PHACTR2: variants seen among roughly 807,000 people sequenced by gnomAD.
PHACTR2 encodes the protein phosphatase and actin regulator 2.
Under a neutral mutation model 76.0 loss-of-function variants are expected in PHACTR2, and 30 were observed. The observed-to-expected ratio is 0.39, with a 90% CI of 0.30 to 0.54. PHACTR2 has a LOEUF of 0.54. Among genes scored for constraint, PHACTR2 ranks in the 20% least tolerant of loss-of-function variants. The probability of loss-of-function intolerance (pLI) is 0.61; values close to 1 mark genes in which losing one functional copy is unlikely to be tolerated. For missense variants in PHACTR2, 696 were observed against 781.1 expected (o/e 0.89, Z 1.30); for synonymous variants, 292 against 292.5 (o/e 1.00, Z 0.02).
intron 2 of PHACTR2, among the ~76,000 whole-genome samples, chr6:143,744,774 G>A (rs1779018534): frequency 6.6e-6 from 1 of 152,242 alleles, no homozygotes; most frequent in Non-Finnish European, 1.5e-5. Flanking sequence ...GCCATGGGAA[G>A]TTTTTGGAAG....
In PHACTR2 at chr6:143,709,888, T is replaced by A. The variant is rs1778134498; in HGVS notation, c.47-2128T>A. Among the ~76,000 whole-genome samples the A allele has an allele frequency of 6.6e-6, 1 of 152,098 alleles. No individual in the cohort carries two copies. The highest frequency in any genetic ancestry group is 1.5e-5 in the Non-Finnish European group (1 of 68,006). ...ACTGACACTGTGGAAGATGCTTCATTATCAGCCACCAGGCATAAAGGTGCT... is the reference window on the plus strand; with the variant it reads ...ACTGACACTGTGGAAGATGCTTCATAATCAGCCACCAGGCATAAAGGTGCT... On this transcript the variant is annotated intron_variant, in intron 1 of 12. Transcript: ENST00000440869. This position sits in a 1 kb window ranked among gnomAD's most constrained non-coding sequence, Gnocchi z 4.4.
intron 2 of PHACTR2, among the ~76,000 whole-genome samples, chr6:143,736,799 CT>C (rs1275055388): frequency 6.6e-6 from 1 of 151,746 alleles, no homozygotes; most frequent in Non-Finnish European, 1.5e-5. Flanking sequence ...TGGTCTCGAT[CT>C]CCTGACCTCG....
chr6:143,693,986 C>G (rs1358098831), intron 1 of PHACTR2, among the ~76,000 whole-genome samples: 1 of 151,956 alleles, frequency 6.6e-6, no homozygotes, highest in Non-Finnish European at 1.5e-5. Context: ...GGAGGATCAC[C>G]CGAACCCAGG....
rs1238109111 is a variant in PHACTR2, at chr6:143,610,954, G to T, written c.13+2632G>T. Among the ~76,000 whole-genome samples the T allele has an allele frequency of 6.6e-6, 1 of 151,860 alleles. No individual in the cohort carries two copies. Among genetic ancestry groups the T allele is most frequent in the Non-Finnish European group, 1.5e-5 (1 of 67,998 alleles). ...TAGAAGTTATATAACAAGTCAAATA[G>T]ATGGTGCTTTAGAATGGCACACCTG... is the stretch of plus-strand genomic sequence containing the variant. On this transcript the variant is annotated intron_variant, in intron 1 of 11. Coordinates refer to the PHACTR2 transcript ENST00000305766. This position sits in a 1 kb window ranked among gnomAD's most constrained non-coding sequence, Gnocchi z 4.9.
chr6:143,629,749 C>G (rs745458664), intron 1 of PHACTR2, among the ~76,000 whole-genome samples: 13 of 151,952 alleles, frequency 8.6e-5, no homozygotes, highest in Non-Finnish European at 1.8e-4. Context: ...GAGAGGGAGC[C>G]CAAAACAGAG....
upstream of PHACTR2, among the ~76,000 whole-genome samples, chr6:143,675,542 C>T (rs915205324): frequency 6.6e-6 from 1 of 152,108 alleles, no homozygotes; most frequent in African/African-American, 2.4e-5. This position sits in a 1 kb window ranked among gnomAD's most constrained non-coding sequence, Gnocchi z 4.9. Context: ...CCCCTCCTGC[C>T]TCCTCACCCC....
At chr6:143,812,076 G>A (rs75901750) in intron 12 of PHACTR2, among the ~76,000 whole-genome samples, 7 of 151,992 alleles carry the variant, frequency 4.6e-5, no homozygotes, top group Non-Finnish European at 5.9e-5. Flanking sequence ...CAGATTTGGG[G>A]TGGTTAATAA....
In PHACTR2 at chr6:143,666,857, G is replaced by A. The variant is rs182890708; in HGVS notation, c.14-45159G>A. The stretch of plus-strand genomic sequence containing the variant: ...GTTCACTCTGCTGAGAGTTTCTTTC[G>A]CTGTGCAGAAACTCTTTAGTTTAAT... On this transcript the variant is annotated intron_variant, in intron 1 of 11. Coordinates refer to the PHACTR2 transcript ENST00000305766. Among the ~76,000 whole-genome samples the A allele has an allele frequency of 1.1e-3, 175 of 152,198 alleles. 1 individual carries two copies. The highest frequency in any genetic ancestry group is 3.3e-3 in the African/African-American group (136 of 41,524).
intron 1 of PHACTR2, among the ~76,000 whole-genome samples, chr6:143,692,029 C>A (rs1451465118): frequency 6.6e-6 from 1 of 152,074 alleles, no homozygotes; most frequent in Non-Finnish European, 1.5e-5. Context: ...GAAGTAAATT[C>A]CATTCAGTCT....
Position 143,550,326 on chromosome 6 carries a change from T to C in PHACTR2, c.217+13119T>C, listed in dbSNP as rs1189418695. 2.0e-5 allele frequency among the ~76,000 whole-genome samples: 3 copies of C among 152,024 alleles called. No homozygotes were observed. Among genetic ancestry groups the C allele is most frequent in the Admixed American group, 6.6e-5 (1 of 15,256 alleles). ...GACCACACTTCAAGGGAAGCAAGTC[T>C]GTATGGAGAGCTTTTAATGGGCCTG... On this transcript the variant is annotated intron_variant, in intron 1 of 11. Transcript: ENST00000367584. This position sits in a 1 kb window ranked among gnomAD's most constrained non-coding sequence, Gnocchi z 4.8.
In PHACTR2 at chr6:143,783,233, G is replaced by C; in HGVS notation, c.1660G>C (p.Glu554Gln). The C allele has an allele frequency of 6.2e-7, 1 of 1,606,144 alleles. No individual in the cohort carries two copies. The highest frequency in any genetic ancestry group is 8.5e-7 in the Non-Finnish European group (1 of 1,173,342). The change falls in exon 10 of 13, where the codon GAG (glutamate) becomes CAG (glutamine). Residue 554 changes from glutamate to glutamine, a missense_variant. This residue lies in a region of PHACTR2 where 236 missense variants were observed against 330.2 expected (regional missense o/e 0.71). Coordinates refer to ENST00000440869, the MANE Select transcript of PHACTR2 (RefSeq NM_001100164.2). The surrounding 1 kb of genome is among the most constrained non-coding windows in gnomAD (Gnocchi z 5.2). ...RNILKQKNEE[E>Q]EQEAKMELKR... Reference sequence around the variant, plus strand: ...TTAATAAACAGAAAAGAATGAAGAAGAGGAACAAGAAGCAAAAATGGAACT... The same window carrying C: ...TTAATAAACAGAAAAGAATGAAGAACAGGAACAAGAAGCAAAAATGGAACT...
Position 143,803,856 on chromosome 6 carries a change from A to G in PHACTR2, c.1846-3201A>G, listed in dbSNP as rs1776012373. On this transcript the variant is annotated intron_variant, in intron 11 of 12. Transcript: ENST00000440869. This position sits in a 1 kb window ranked among gnomAD's most constrained non-coding sequence, Gnocchi z 4.7. ...AGAGCGTTGCGAAAATAAAAGCAAG[A>G]TATTTCATGACAAACTTATCCTGAG... Among the ~76,000 whole-genome samples, 2 of 152,242 alleles carry G rather than the reference A, an allele frequency of 1.3e-5. No homozygotes were observed. The highest frequency in any genetic ancestry group is 2.9e-5 in the Non-Finnish European group (2 of 68,034).
At chr6:143,773,638 A>G (rs1775205035) in intron 7 of PHACTR2, among the ~76,000 whole-genome samples, 1 of 152,196 alleles carries the variant, frequency 6.6e-6, no homozygotes, top group East Asian at 1.9e-4. Flanking sequence ...CTCTGCCAGG[A>G]TGGCGTCTGA....
At position 143,811,229 on chromosome 6, in the gene PHACTR2, T is replaced by G. The variant is rs1776167649; in HGVS notation, c.1922+4096T>G. 1.3e-5 allele frequency among the ~76,000 whole-genome samples: 2 copies of G among 152,210 alleles called. No homozygotes were observed. The highest frequency in any genetic ancestry group is 4.1e-4 in the South Asian group (2 of 4,826). On this transcript the variant is annotated intron_variant, in intron 12 of 12. Coordinates refer to ENST00000440869, the MANE Select transcript of PHACTR2 (RefSeq NM_001100164.2). This position sits in a 1 kb window ranked among gnomAD's most constrained non-coding sequence, Gnocchi z 4.1. ...TTTCCCTGTGGATGTGAAATTCTCT[T>G]TTAATATACACATCGGTCAATTTCT...
Position 143,826,134 on chromosome 6 carries a change from C to T in PHACTR2, c.*2445C>T, listed in dbSNP as rs1776526262. ...ACCAATTATTTTATTAGAATGATGG[C>T]TTGAGTAAAAAGCTGTGGAAAGAAT... On this transcript the variant is annotated 3_prime_UTR_variant, in exon 13 of 13. Transcript: ENST00000440869. The T allele has an allele frequency of 6.6e-6, 1 of 151,546 alleles. No individual in the cohort carries two copies. Among genetic ancestry groups the T allele is most frequent in the Admixed American group, 6.6e-5 (1 of 15,230 alleles). The allele number at this position is 151,546 out of a possible 1,614,324, so 9.4% of individuals were successfully genotyped here.
At chr6:143,778,524 G>A (rs1197401706) in intron 9 of PHACTR2, among the ~76,000 whole-genome samples, 1 of 151,740 alleles carries the variant, frequency 6.6e-6, no homozygotes, top group Non-Finnish European at 1.5e-5. Context: ...GACTTAAGTG[G>A]CTACTAATGT....
At chr6:143,805,479 CAA>C (rs746027973) in intron 11 of PHACTR2, among the ~76,000 whole-genome samples, 1,681 of 95,122 alleles carry the variant, frequency 0.018, 24 homozygotes, top group African/African-American at 0.049. Flanking sequence ...AACTCCGTCT[CAA>C]AAAAAAAAAA....
chr6:143,597,542 G>T lies in PHACTR2; in HGVS notation c.217+60335G>T, dbSNP rs890171551. Among the ~76,000 whole-genome samples the T allele has an allele frequency of 6.6e-5, 10 of 152,198 alleles. No homozygotes were observed. The highest frequency in any genetic ancestry group is 1.3e-4 in the Admixed American group (2 of 15,286). ...ACATATGTCATCTTTGCAGAGTTCAGTTGTAATTTGTCCTGGACTCTTGGA... is the reference window on the plus strand; with the variant it reads ...ACATATGTCATCTTTGCAGAGTTCATTTGTAATTTGTCCTGGACTCTTGGA... On this transcript the variant is annotated intron_variant, in intron 1 of 11. Coordinates refer to the PHACTR2 transcript ENST00000367584. This position sits in a 1 kb window ranked among gnomAD's most constrained non-coding sequence, Gnocchi z 5.7.
chr6:143,644,676 T>C (rs936676987), intron 1 of PHACTR2, among the ~76,000 whole-genome samples: 2 of 151,934 alleles, frequency 1.3e-5, no homozygotes, highest in Non-Finnish European at 2.9e-5. Context: ...CTTACAAATA[T>C]AATTGGCAAC....
Sources: gnomAD v4.1 joint callset for allele counts (sites outside exome capture counted in the v4.1 genomes callset) on GRCh38, gnomAD v4.1.1 for gene constraint, gnomAD v4.1.1 regional missense constraint, Gnocchi (gnomAD v3.1) non-coding constraint, MANE v1.5 for transcripts, NCBI Gene and HGNC (gene_info 2026-07-23, HGNC 2026-07-21) for gene names.